SND1: variants seen among roughly 807,000 people sequenced by gnomAD.
SND1 encodes the protein staphylococcal nuclease domain-containing protein 1.
Under a neutral mutation model 121.7 loss-of-function variants are expected in SND1, and 38 were observed. The ratio of observed to expected loss-of-function variants is 0.31; its 90% CI spans 0.24 to 0.41. The LOEUF is 0.41. Ranked by LOEUF, SND1 falls within the 10% of genes least tolerant of loss-of-function variation. The pLI, the probability that SND1 is intolerant of heterozygous loss-of-function variation, is 1.00. For synonymous variants in SND1, 401 were observed against 447.4 expected, an observed-to-expected ratio of 0.90 and a Z score of 1.31; for missense variants, 868 against 1,184.6, an observed-to-expected ratio of 0.73 and a Z score of 3.92.
Position 128,029,706 on chromosome 7 carries a change from G to A in SND1, c.1779+38650G>A. 1 of 1,614,024 alleles carries A rather than the reference G, an allele frequency of 6.2e-7. No individual in the cohort carries two copies. ...GGGTATATACTCTCGAAGCCACCAG[G>A]CTAGCCACAGAATGTCACAATCACA... On this transcript the variant is annotated intron_variant, in intron 16 of 23. Transcript: ENST00000354725. This position sits in a 1 kb window ranked among gnomAD's most constrained non-coding sequence, Gnocchi z 4.2.
intron 13 of SND1, among the ~76,000 whole-genome samples, chr7:127,893,938 C>G (rs1800065258): frequency 6.6e-6 from 1 of 152,058 alleles, no homozygotes; most frequent in Non-Finnish European, 1.5e-5. Context: ...TCTCCAAACT[C>G]CAAACCCCAT....
intron 9 of SND1, among the ~76,000 whole-genome samples, chr7:127,719,634 G>A (rs1286172055): frequency 6.6e-6 from 1 of 152,134 alleles, no homozygotes; most frequent in Non-Finnish European, 1.5e-5. Context: ...TGAAGTTGTC[G>A]TTTTCCTGTT....
At chr7:127,957,751 A>G (rs1801631185) in intron 15 of SND1, among the ~76,000 whole-genome samples, 1 of 152,094 alleles carries the variant, frequency 6.6e-6, no homozygotes, top group Non-Finnish European at 1.5e-5. Flanking sequence ...TCCAGGCTGG[A>G]GTGCAGTGGC....
At chr7:127,776,690 T>G (rs748098733) in intron 10 of SND1, among the ~76,000 whole-genome samples, 2 of 152,194 alleles carry the variant, frequency 1.3e-5, no homozygotes, top group Non-Finnish European at 2.9e-5. Context: ...GCCTTTTGTG[T>G]GTGTGATTCC....
chr7:127,752,030 C>G (rs1048216181), intron 10 of SND1, among the ~76,000 whole-genome samples: 1 of 152,236 alleles, frequency 6.6e-6, no homozygotes, highest in Non-Finnish European at 1.5e-5. Context: ...AATATCTGAT[C>G]GATGGGGCCA....
At chr7:127,987,745 G>A (rs746323547) in intron 15 of SND1, among the ~76,000 whole-genome samples, 5 of 143,722 alleles carry the variant, frequency 3.5e-5, no homozygotes, top group Non-Finnish European at 7.4e-5. Flanking sequence ...AATCAATTCA[G>A]TGTCATAGCC....
At chr7:127,838,006 T>C (rs1798897236) in intron 11 of SND1, among the ~76,000 whole-genome samples, 1 of 152,188 alleles carries the variant, frequency 6.6e-6, no homozygotes, top group Non-Finnish European at 1.5e-5. Context: ...TGTTCCCCTG[T>C]TGGCTAGGGT....
intron 18 of SND1, 56 bp downstream of exon 18, chr7:128,081,557 T>C: frequency 1.2e-6 from 2 of 1,603,612 alleles, no homozygotes; most frequent in Non-Finnish European, 1.7e-6. Context: ...TGGCGCTGCC[T>C]GGGGGTAGGG....
rs1474573078 is a variant in SND1, at chr7:127,729,562, C to T, written c.1152+8162C>T. ...TTTCATTCCTTGGTGGGCTAATTAG[C>T]TTTGTACTGGGAAAATTTTGTGCAA... On this transcript the variant is annotated intron_variant, in intron 10 of 23. Coordinates refer to ENST00000354725, the MANE Select transcript of SND1 (RefSeq NM_014390.4). 4.1e-5 allele frequency among the ~76,000 whole-genome samples: 6 copies of T among 147,982 alleles called. No homozygotes were observed. In the Admixed American group the frequency reaches 4.2e-4, roughly 10 times the overall value.
chr7:128,032,318 C>A (rs1250315598), intron 16 of SND1, among the ~76,000 whole-genome samples: 2 of 151,200 alleles, frequency 1.3e-5, no homozygotes, highest in Non-Finnish European at 3.0e-5. Flanking sequence ...CCCCTCCCCC[C>A]TCCCCCCTCC....
At chr7:128,006,244 G>GTGCA (rs147468143) in intron 16 of SND1, among the ~76,000 whole-genome samples, 67 of 151,810 alleles carry the variant, frequency 4.4e-4, no homozygotes, top group African/African-American at 1.5e-3. Context: ...GCGTGCGTGC[G>GTGCA]TGTGTGTGTG....
At chr7:127,695,440 G>A (rs1287892368) in intron 3 of SND1, among the ~76,000 whole-genome samples, 4 of 152,194 alleles carry the variant, frequency 2.6e-5, no homozygotes, top group South Asian at 4.2e-4. Flanking sequence ...TTGCATAGAT[G>A]TAGGTTAGAA....
chr7:127,720,722 A>G (rs1162394323), intron 9 of SND1, among the ~76,000 whole-genome samples: 1 of 152,202 alleles, frequency 6.6e-6, no homozygotes, highest in African/African-American at 2.4e-5. Flanking sequence ...CTGAGGTAAT[A>G]TCTCAGTAAT....
chr7:127,880,849 C>T (rs1395395272), intron 12 of SND1, among the ~76,000 whole-genome samples: 1 of 152,042 alleles, frequency 6.6e-6, no homozygotes, highest in Non-Finnish European at 1.5e-5. Context: ...TTTTGTCTAC[C>T]TCACCCAGCT....
At chr7:127,652,545 G>T (rs1406733836) in intron 1 of SND1, 94 bp downstream of exon 1, 1 of 1,061,674 alleles carries the variant, frequency 9.4e-7, no homozygotes, top group East Asian at 2.7e-5. Flanking sequence ...CCATGTCCCA[G>T]ATCCCCTTTC....
chr7:127,676,803 C>T (rs1160934967), intron 1 of SND1, among the ~76,000 whole-genome samples: 2 of 152,152 alleles, frequency 1.3e-5, no homozygotes, highest in African/African-American at 4.8e-5. Flanking sequence ...GTGCAATGGC[C>T]TGATCTCGGC....
At chr7:127,802,988 C>G (rs577912677) in intron 10 of SND1, among the ~76,000 whole-genome samples, 1 of 152,194 alleles carries the variant, frequency 6.6e-6, no homozygotes, top group African/African-American at 2.4e-5. Context: ...TGATTTCCTG[C>G]CCAGATTACT....
At chr7:127,736,477 CAGT>C (rs2116423277) in intron 10 of SND1, among the ~76,000 whole-genome samples, 2 of 152,236 alleles carry the variant, frequency 1.3e-5, no homozygotes, top group African/African-American at 4.8e-5. Context: ...TTGGATATAT[CAGT>C]TATTTCCAAT....
chr7:127,874,272 C>G (rs375917025), intron 12 of SND1, among the ~76,000 whole-genome samples: 1 of 152,064 alleles, frequency 6.6e-6, no homozygotes, highest in African/African-American at 2.4e-5. Context: ...ATTAAGAGTA[C>G]AACAGTGTGA....
Sources: allele counts gnomAD v4.1 joint callset (sites outside exome capture counted in the v4.1 genomes callset), GRCh38; gene constraint gnomAD v4.1.1; non-coding constraint Gnocchi (gnomAD v3.1); transcripts MANE v1.5; gene names NCBI Gene and HGNC (gene_info 2026-07-23, HGNC 2026-07-21).